The following OTOGL variants were observed in gnomAD, a reference collection of about 807,000 sequenced individuals.
OTOGL encodes the protein otogelin like.
OTOGL carries 285 observed loss-of-function variants against 318.5 expected under a neutral mutation model. The observed-to-expected ratio is 0.89, with a 90% CI of 0.81 to 0.99. The LOEUF (loss-of-function observed/expected upper bound fraction) is 0.99, where lower values mean the gene tolerates loss of function less well. OTOGL is among the 50% of genes least tolerant of loss of function. The pLI is 0.00. For missense variants in OTOGL, 2,899 were observed against 2,845.6 expected (o/e 1.02, Z -0.43); for synonymous variants, 987 against 936.5 (o/e 1.05, Z -0.99).
In OTOGL at chr12:80,262,063, G is replaced by A. The variant is rs779623044; in HGVS notation, c.1984G>A (p.Val662Met). 4 of 1,612,134 alleles carry A rather than the reference G, an allele frequency of 2.5e-6. No individual in the cohort carries two copies. The South Asian group carries it at 3.3e-5, about 13-fold the overall frequency. Residue 662 changes from valine (V) to methionine (M), a missense_variant, in exon 19 of 59, where the codon GTG (valine) becomes ATG (methionine). By Grantham distance (21) the Val-to-Met change is conservative. Transcript: ENST00000547103. ...TCFAPVHVPV[V>M]DPCNINQQNI... ...TTTTGCACCTGTTCATGTCCCAGTGGTGGACCCCTGTAACATCAATCAACA... is the reference window on the plus strand; with the variant it reads ...TTTTGCACCTGTTCATGTCCCAGTGATGGACCCCTGTAACATCAATCAACA...
At chr12:80,191,153 A>G (rs1214102229) in intron 1 of OTOGL, among the ~76,000 whole-genome samples, 2 of 152,336 alleles carry the variant, frequency 1.3e-5, no homozygotes, top group South Asian at 4.1e-4. Flanking sequence ...ATTATTGGAT[A>G]CTGGCTGGGA....
chr12:80,175,931 G>A (rs924060098), intron 1 of OTOGL, among the ~76,000 whole-genome samples: 1 of 152,214 alleles, frequency 6.6e-6, no homozygotes, highest in Non-Finnish European at 1.5e-5. Context: ...AGCTATTAGT[G>A]ATGCACAGAT....
Position 80,377,555 on chromosome 12 carries a change from A to G in OTOGL, c.6862-293A>G, listed in dbSNP as rs12579380. Among the ~76,000 whole-genome samples the G allele has an allele frequency of 0.18, 28,108 of 152,174 alleles. 2,763 individuals are homozygous for G. The highest frequency in any genetic ancestry group is 0.23 in the Middle Eastern group (68 of 294). On this transcript the variant is annotated intron_variant, in intron 58 of 58. Transcript: ENST00000547103. The stretch of plus-strand genomic sequence containing the variant: ...GTGTGCTTGAGCCATGATATGACAC[A>G]GGTTACAATAGATTAACTATATTGT...
intron 37 of OTOGL, among the ~76,000 whole-genome samples, chr12:80,331,904 T>C (rs528803289): frequency 6.6e-6 from 1 of 151,534 alleles, no homozygotes; most frequent in Non-Finnish European, 1.5e-5. Context: ...GATGTGACAA[T>C]AGAATCAGAG....
chr12:80,345,981 G>A (rs915631515), intron 44 of OTOGL, among the ~76,000 whole-genome samples: 1 of 152,104 alleles, frequency 6.6e-6, no homozygotes, highest in Non-Finnish European at 1.5e-5. Flanking sequence ...ATAGTTCTTG[G>A]ATATTGCAAA....
At chr12:80,248,963 C>T (rs1881194539) in intron 11 of OTOGL, among the ~76,000 whole-genome samples, 1 of 147,734 alleles carries the variant, frequency 6.8e-6, no homozygotes, top group Non-Finnish European at 1.5e-5. Flanking sequence ...GCATCGGCTC[C>T]TGAGGCTTCT....
At chr12:80,354,456 A>G (rs898611171) in intron 46 of OTOGL, among the ~76,000 whole-genome samples, 2 of 152,244 alleles carry the variant, frequency 1.3e-5, no homozygotes, top group Admixed American at 6.5e-5. Flanking sequence ...GGAGGAACAC[A>G]TCTAGTATTT....
At chr12:80,169,172 T>C (rs2137211890) in intron 1 of OTOGL, among the ~76,000 whole-genome samples, 1 of 152,330 alleles carries the variant, frequency 6.6e-6, no homozygotes, top group Non-Finnish European at 1.5e-5. Context: ...CAACTCAATT[T>C]GAAACCTGTG....
At chr12:80,251,934 C>A in intron 12 of OTOGL, 135 bp downstream of exon 12, 2 of 1,192,944 alleles carry the variant, frequency 1.7e-6, no homozygotes, top group African/African-American at 1.7e-5. Context: ...AACTTGCATA[C>A]TTTTTGAAAC....
At chr12:80,209,961 A>T (rs567707957) in intron 2 of OTOGL, among the ~76,000 whole-genome samples, 1 of 152,132 alleles carries the variant, frequency 6.6e-6, no homozygotes, top group Non-Finnish European at 1.5e-5. Context: ...AACTTTCTTC[A>T]TGCCATCAAC....
intron 1 of OTOGL, among the ~76,000 whole-genome samples, chr12:80,193,593 A>G (rs1296424872): frequency 2.0e-5 from 3 of 152,196 alleles, no homozygotes; most frequent in Non-Finnish European, 4.4e-5. Context: ...AGGAAATGTT[A>G]TATTTCAGAC....
intron 1 of OTOGL, among the ~76,000 whole-genome samples, chr12:80,158,973 C>T (rs1406798595): frequency 1.3e-5 from 2 of 152,068 alleles, no homozygotes; most frequent in African/African-American, 4.8e-5. Context: ...GTGGGTTTGT[C>T]ATAGATAGCT....
intron 32 of OTOGL, among the ~76,000 whole-genome samples, chr12:80,317,558 A>G (rs1267177689): frequency 6.6e-6 from 1 of 152,148 alleles, no homozygotes; most frequent in East Asian, 1.9e-4. Flanking sequence ...TTGCATACAC[A>G]TCTTCTCCAT....
chr12:80,256,496 T>TCAAAAAAA, intron 17 of OTOGL, 36 bp downstream of exon 17: 4 of 1,391,490 alleles, frequency 2.9e-6, no homozygotes, highest in Non-Finnish European at 3.8e-6. Context: ...TTTCTTTACA[T>TCAAAAAAA]CAAACAAACA....
intron 26 of OTOGL, among the ~76,000 whole-genome samples, chr12:80,283,562 ACAC>A (rs1485642277): frequency 1.3e-5 from 2 of 152,084 alleles, no homozygotes; most frequent in East Asian, 3.9e-4. Context: ...ACTATTTGGT[ACAC>A]TTCTTCTGGG....
chr12:80,351,407 C>G (rs1338941153), intron 44 of OTOGL, among the ~76,000 whole-genome samples: 1 of 152,028 alleles, frequency 6.6e-6, no homozygotes, highest in African/African-American at 2.4e-5. Context: ...GCTCTGCCTC[C>G]CGGGTTCAAG....
intron 7 of OTOGL, among the ~76,000 whole-genome samples, chr12:80,228,512 G>T (rs189260949): frequency 6.6e-6 from 1 of 151,820 alleles, no homozygotes; most frequent in Admixed American, 6.6e-5. Context: ...CAAAAAACCC[G>T]TATATTATTG....
chr12:80,123,438 G>A (rs1870610785), intron 1 of OTOGL, among the ~76,000 whole-genome samples: 1 of 152,132 alleles, frequency 6.6e-6, no homozygotes, highest in Admixed American at 6.5e-5. Flanking sequence ...TATCATTGTT[G>A]GACATTTGGG....
At chr12:80,190,510 G>A (rs914078454) in intron 1 of OTOGL, among the ~76,000 whole-genome samples, 2 of 152,100 alleles carry the variant, frequency 1.3e-5, no homozygotes, top group African/African-American at 4.8e-5. Flanking sequence ...AATCCAGGCC[G>A]GGCGCGGTGG....
Sources: allele counts gnomAD v4.1 joint callset (sites outside exome capture counted in the v4.1 genomes callset), GRCh38; gene constraint gnomAD v4.1.1; transcripts MANE v1.5; gene names NCBI Gene and HGNC (gene_info 2026-07-23, HGNC 2026-07-21).